Variants in TRAPPC8 observed in about 807,000 individuals in gnomAD.
The protein encoded by TRAPPC8 is general sporulation gene 1 homolog.
A neutral mutation model predicts 174.3 loss-of-function variants in TRAPPC8; 54 were observed. That is an observed-to-expected ratio of 0.31 (90% CI 0.25 to 0.39). The LOEUF (loss-of-function observed/expected upper bound fraction) is 0.39. TRAPPC8 is among the 10% of genes least tolerant of loss of function. The probability of loss-of-function intolerance (pLI) is 1.00; values close to 1 mark genes in which losing one functional copy is unlikely to be tolerated. For missense variants in TRAPPC8, 1,531 were observed against 1,699.1 expected (o/e 0.90, Z 1.74); for synonymous variants, 630 against 579.9 (o/e 1.09, Z -1.24).
intron 12 of TRAPPC8, among the ~76,000 whole-genome samples, chr18:31,890,188 T>C (rs1171945995): frequency 6.6e-6 from 1 of 152,182 alleles, no homozygotes; most frequent in Non-Finnish European, 1.5e-5. Flanking sequence ...CCAAGAAAGC[T>C]AGCTCTCTCC....
Position 31,908,355 on chromosome 18 carries a change from T to C in TRAPPC8, c.1186A>G (p.Ser396Gly). ...TTAATGCTCTTTTCTGGAACTTTAC[T>C]GCCACTAAACCATTTTTTAGTTGCA... is the stretch of plus-strand genomic sequence containing the variant. Reference protein sequence around the residue: ...FSATKKWFSGSKVPEKSINDL... With the variant: ...FSATKKWFSGGKVPEKSINDL... Residue 396 changes from serine (S) to glycine (G), a missense_variant, in exon 8 of 29, where the codon AGT (serine) becomes GGT (glycine). By Grantham distance (56) the Ser-to-Gly change is moderately conservative (BLOSUM62 0). Coordinates refer to ENST00000283351, the MANE Select transcript of TRAPPC8 (RefSeq NM_014939.5). The C allele has an allele frequency of 6.2e-7, 1 of 1,607,682 alleles. No homozygotes were observed. Among genetic ancestry groups the C allele is most frequent in the African/African-American group, 1.3e-5 (1 of 74,770 alleles).
intron 18 of TRAPPC8, among the ~76,000 whole-genome samples, chr18:31,866,126 T>C (rs1013309438): frequency 6.6e-6 from 1 of 152,108 alleles, no homozygotes; most frequent in East Asian, 1.9e-4. Flanking sequence ...TCAAGGACTA[T>C]TCAACTTAAT....
At chr18:31,839,604 G>T in intron 26 of TRAPPC8, 147 bp from the exon 27 acceptor site, 1 of 624,246 alleles carries the variant, frequency 1.6e-6, no homozygotes, top group Non-Finnish European at 2.5e-6. Flanking sequence ...GCTAATAGCT[G>T]CTATCATTTG....
intron 25 of TRAPPC8, 62 bp from the exon 26 acceptor site, chr18:31,846,879 C>A: frequency 2.6e-6 from 3 of 1,170,814 alleles, no homozygotes; most frequent in South Asian, 1.5e-5. Context: ...AGTAACCAAC[C>A]CAATACTTGA....
intron 2 of TRAPPC8, among the ~76,000 whole-genome samples, chr18:31,917,880 T>G (rs1168882565): frequency 6.6e-6 from 1 of 152,150 alleles, no homozygotes; most frequent in Non-Finnish European, 1.5e-5. Context: ...TCCCAGCACT[T>G]TGGGAGGCCA....
chr18:31,910,991 G>C (rs1323382853), intron 5 of TRAPPC8, among the ~76,000 whole-genome samples: 1 of 152,098 alleles, frequency 6.6e-6, no homozygotes, highest in Admixed American at 6.5e-5. Context: ...TTATCTTAAA[G>C]AACGTCAGTA....
At chr18:31,872,567 A>C (rs527915764) in intron 14 of TRAPPC8, among the ~76,000 whole-genome samples, 6 of 152,008 alleles carry the variant, frequency 3.9e-5, no homozygotes, top group South Asian at 2.1e-4. Context: ...CTACAGGCGC[A>C]TGCCACCACG....
chr18:31,900,950 T>C lies in TRAPPC8; in HGVS notation c.1465A>G (p.Ile489Val). ...TTGCAGATATCTCTGTATGTCTGAA[T>C]TGCTGTATCCATGTAATGAGCAGGA... The part of the protein sequence containing the change: ...PYPAHYMDTA[I>V]QTYRDICKNM... Residue 489 changes from isoleucine to valine, a missense_variant, in exon 10 of 29, where the codon ATT becomes GTT. Physicochemically the swap from Ile to Val is conservative, Grantham distance 29. Transcript: ENST00000283351. The C allele has an allele frequency of 3.8e-6, 6 of 1,596,588 alleles. No homozygotes were observed. The highest frequency in any genetic ancestry group is 1.4e-5 in the African/African-American group (1 of 73,602).
rs1361848862 is a variant in TRAPPC8, at chr18:31,857,827, T to C, written c.2901A>G (p.Leu967=). Residue 967 remains leucine (L), a synonymous_variant, in exon 20 of 29, where the codon CTA becomes CTG. Transcript: ENST00000283351. ...FFTFGGNTAV[L]TPLSPSASEN... ...CAGAAGCTGAGGGACTTAGTGGTGTTAGAACAGCAGTATTACCACCGAAAG... is the reference window on the plus strand; with the variant it reads ...CAGAAGCTGAGGGACTTAGTGGTGTCAGAACAGCAGTATTACCACCGAAAG... 1.9e-6 allele frequency: 3 copies of C among 1,614,204 alleles called. No individual in the cohort carries two copies. In the East Asian group the frequency reaches 6.7e-5, roughly 36 times the overall value.
At chr18:31,930,840 A>C (rs1009009320) in intron 2 of TRAPPC8, among the ~76,000 whole-genome samples, 1 of 152,150 alleles carries the variant, frequency 6.6e-6, no homozygotes, top group Non-Finnish European at 1.5e-5. Context: ...CAGCCTGGGG[A>C]ACATAATGAG....
In TRAPPC8 at chr18:31,852,667, G is replaced by C. The variant is rs772516201; in HGVS notation, c.3434-4C>G. The C allele has an allele frequency of 8.7e-6, 14 of 1,610,826 alleles. No individual in the cohort carries two copies. The highest frequency in any genetic ancestry group is 1.7e-5 in the Admixed American group (1 of 59,844). On this transcript the variant is annotated splice_polypyrimidine_tract_variant and splice_region_variant and intron_variant, in intron 22 of 28. Transcript: ENST00000283351. ...TCCCTACTGGCAAGTTTGGTATCTA[G>C]GAAGAAAAAGGGAAATTTCAAAGAT...
At chr18:31,874,411 TAATA>T (rs141789987) in intron 13 of TRAPPC8, 65 bp downstream of exon 13, 89,112 of 1,414,276 alleles carry the variant, frequency 0.063, 3,041 homozygotes, top group Middle Eastern at 0.093. Context: ...TAAGATATGG[TAATA>T]AATAAATACT....
At chr18:31,851,673 T>A (rs991037822) in intron 24 of TRAPPC8, among the ~76,000 whole-genome samples, 8 of 152,036 alleles carry the variant, frequency 5.3e-5, no homozygotes, top group Admixed American at 2.0e-4. Context: ...GTAACTCTTA[T>A]ACATAATTAG....
chr18:31,936,686 G>A (rs1036107048), intron 1 of TRAPPC8, among the ~76,000 whole-genome samples: 1 of 151,812 alleles, frequency 6.6e-6, no homozygotes, highest in African/African-American at 2.4e-5. Flanking sequence ...TGGATCACTT[G>A]AGGTCGGGAG....
At position 31,873,478 on chromosome 18, in the gene TRAPPC8, T is replaced by G. The variant is rs772786577; in HGVS notation, c.2014A>C (p.Ser672Arg). ...CCAAAAAAAACCCGTGTTGCTGAAC[T>G]GTTAATATACGGTAAAGGAAGCTGT... ...LPQLPLPYINSSATRVFFGHD... is the reference protein window; with the variant it reads ...LPQLPLPYINRSATRVFFGHD... The change falls in exon 14 of 29, where the codon AGT becomes CGT. Residue 672 changes from serine (S) to arginine (R), a missense_variant. Physicochemically the swap from Ser to Arg is moderately radical, Grantham distance 110. Coordinates refer to ENST00000283351, the MANE Select transcript of TRAPPC8 (RefSeq NM_014939.5). 3.1e-6 allele frequency: 5 copies of G among 1,613,886 alleles called. No individual in the cohort carries two copies. The South Asian group carries it at 4.4e-5, about 14-fold the overall frequency.
chr18:31,943,046 C>G lies in TRAPPC8; in HGVS notation c.-282G>C. The G allele has an allele frequency of 1.9e-6, 1 of 534,604 alleles. No homozygotes were observed. The highest frequency in any genetic ancestry group is 2.9e-6 in the Non-Finnish European group (1 of 348,710). The allele number at this position is 534,604 out of a possible 1,614,324, so 33.1% of individuals were successfully genotyped here. A position where few individuals can be genotyped will look rare whatever the true frequency, so the allele number is the denominator to read the frequency against. On this transcript the variant is annotated 5_prime_UTR_variant, in exon 1 of 29. Coordinates refer to ENST00000283351, the MANE Select transcript of TRAPPC8 (RefSeq NM_014939.5). ...GAGACGCCGACAGTCACCACTTAGT[C>G]CTTCGGACGGCAAAACCTTGGTCAC...
chr18:31,896,689 G>A (rs1433030427), intron 11 of TRAPPC8, among the ~76,000 whole-genome samples: 4 of 152,074 alleles, frequency 2.6e-5, no homozygotes, highest in East Asian at 1.9e-4. Context: ...GCAGTGGTGC[G>A]ATCTCGGCTC....
chr18:31,916,818 G>A (rs2037170131), intron 3 of TRAPPC8, among the ~76,000 whole-genome samples: 1 of 136,190 alleles, frequency 7.3e-6, no homozygotes, highest in Non-Finnish European at 1.5e-5. Context: ...ATAGGCATGA[G>A]CCACCGTGCC....
chr18:31,925,189 A>G (rs2037559579), intron 2 of TRAPPC8, among the ~76,000 whole-genome samples: 1 of 152,082 alleles, frequency 6.6e-6, no homozygotes, highest in Non-Finnish European at 1.5e-5. Flanking sequence ...CAAAGATTTG[A>G]GGTAAGTGTC....
Sources: allele counts gnomAD v4.1 joint callset (sites outside exome capture counted in the v4.1 genomes callset), GRCh38; gene constraint gnomAD v4.1.1; transcripts MANE v1.5; gene names NCBI Gene and HGNC (gene_info 2026-07-23, HGNC 2026-07-21).